Variants in CNTN5 observed in about 807,000 individuals in gnomAD.
CNTN5 encodes the protein contactin 5.
Under a neutral mutation model 129.1 loss-of-function variants are expected in CNTN5, and 77 were observed. That is an observed-to-expected ratio of 0.60 (90% CI 0.50 to 0.72). The LOEUF is 0.72. Among genes scored for constraint, CNTN5 ranks in the 30% least tolerant of loss-of-function variants. CNTN5 has a pLI of 0.00. For synonymous variants in CNTN5, 509 were observed against 465.6 expected, an observed-to-expected ratio of 1.09 and a Z score of -1.20; for missense variants, 1,478 against 1,328.8, an observed-to-expected ratio of 1.11 and a Z score of -1.75.
chr11:99,088,447 C>A (rs1401002689), intron 1 of CNTN5, among the ~76,000 whole-genome samples: 3 of 152,074 alleles, frequency 2.0e-5, no homozygotes, highest in African/African-American at 2.4e-5. Flanking sequence ...TTGGCACATT[C>A]CTTACCTGCC....
chr11:99,722,198 A>G (rs1943195671), intron 3 of CNTN5, among the ~76,000 whole-genome samples: 1 of 152,168 alleles, frequency 6.6e-6, no homozygotes, highest in Non-Finnish European at 1.5e-5. Context: ...TCACTGCAGT[A>G]TTATTGAAAG....
intron 3 of CNTN5, among the ~76,000 whole-genome samples, chr11:99,564,060 T>C (rs1035881560): frequency 2.0e-5 from 3 of 152,124 alleles, no homozygotes; most frequent in Non-Finnish European, 4.4e-5. Context: ...CACATGCAAA[T>C]AGAAGCAATT....
At chr11:99,485,095 A>T (rs1945757765) in intron 2 of CNTN5, among the ~76,000 whole-genome samples, 2 of 152,130 alleles carry the variant, frequency 1.3e-5, no homozygotes, top group Non-Finnish European at 2.9e-5. Context: ...AAGAAATGGT[A>T]AATATTTGAT....
chr11:99,814,117 A>G (rs1324423552), intron 3 of CNTN5, among the ~76,000 whole-genome samples: 1 of 152,178 alleles, frequency 6.6e-6, no homozygotes, highest in Admixed American at 6.6e-5. Flanking sequence ...GACAGAAGGA[A>G]TCATCTGGAG....
intron 1 of CNTN5, among the ~76,000 whole-genome samples, chr11:99,155,928 C>G (rs1360825983): frequency 6.6e-6 from 1 of 151,810 alleles, no homozygotes; most frequent in African/African-American, 2.4e-5. Context: ...TTATACTCTT[C>G]TAGGGAATAA....
intron 3 of CNTN5, among the ~76,000 whole-genome samples, chr11:99,598,921 T>C (rs1367027355): frequency 2.6e-5 from 4 of 152,162 alleles, no homozygotes; most frequent in Non-Finnish European, 5.9e-5. Context: ...TAAAAAATAC[T>C]GTAAAGCTCA....
At chr11:99,600,120 G>GTACAATTAACAAAAATGTGCTT (rs371367300) in intron 3 of CNTN5, among the ~76,000 whole-genome samples, 29 of 152,138 alleles carry the variant, frequency 1.9e-4, no homozygotes, top group African/African-American at 5.8e-4. Context: ...AAAATGTGCT[G>GTACAATTAACAAAAATGTGCTT]TACACTTAAC....
At chr11:99,067,675 CTAAAT>C (rs963032645) in intron 1 of CNTN5, among the ~76,000 whole-genome samples, 3 of 152,240 alleles carry the variant, frequency 2.0e-5, no homozygotes, top group Non-Finnish European at 2.9e-5. Context: ...CTTTGTAAAA[CTAAAT>C]TAATTTCAAA....
At chr11:99,474,732 T>A (rs1945304201) in intron 2 of CNTN5, among the ~76,000 whole-genome samples, 1 of 152,152 alleles carries the variant, frequency 6.6e-6, no homozygotes, top group Non-Finnish European at 1.5e-5. Context: ...TTGAGCGTTT[T>A]CAAATAAATC....
At position 99,082,373 on chromosome 11, in the gene CNTN5, C is replaced by T. The variant is rs915348235; in HGVS notation, c.-210+61103C>T. The stretch of plus-strand genomic sequence containing the variant: ...CTAATTTTTGTATTTTTAGTAGAGA[C>T]GGGGTTTCACCATGTTGGCCAGGGT... On this transcript the variant is annotated intron_variant, in intron 1 of 24. Transcript: ENST00000524871. Among the ~76,000 whole-genome samples the T allele has an allele frequency of 4.6e-5, 7 of 152,122 alleles. No homozygotes were observed. In the South Asian group the frequency reaches 6.2e-4, roughly 14 times the overall value.
chr11:100,103,807 G>T (rs1358619363), intron 13 of CNTN5, among the ~76,000 whole-genome samples: 4 of 152,090 alleles, frequency 2.6e-5, no homozygotes, highest in Non-Finnish European at 4.4e-5. Flanking sequence ...TACAAGAAAG[G>T]CTTCTGTAAC....
intron 13 of CNTN5, among the ~76,000 whole-genome samples, chr11:100,090,529 T>TTCCTCCCTCCCTC (rs1944733056): frequency 3.6e-5 from 1 of 28,040 alleles, no homozygotes; most frequent in African/African-American, 2.4e-4. Flanking sequence ...CTCCCTCCCT[T>TTCCTCCCTCCCTC]CCTTCCTTCC....
intron 1 of CNTN5, among the ~76,000 whole-genome samples, chr11:99,205,641 G>T (rs755125751): frequency 9.9e-5 from 15 of 152,074 alleles, no homozygotes; most frequent in African/African-American, 1.4e-4. Flanking sequence ...AATTTGCAAA[G>T]AAATTATACA....
intron 1 of CNTN5, among the ~76,000 whole-genome samples, chr11:99,212,499 T>G (rs1859855348): frequency 6.6e-6 from 1 of 152,188 alleles, no homozygotes; most frequent in African/African-American, 2.4e-5. Context: ...TCTGCTTAAA[T>G]GATTTCACTT....
chr11:99,824,744 T>C (rs1210767590), intron 4 of CNTN5, among the ~76,000 whole-genome samples: 2 of 152,014 alleles, frequency 1.3e-5, no homozygotes, highest in African/African-American at 4.8e-5. Flanking sequence ...TATTTTTGTA[T>C]GTAATATGAA....
intron 8 of CNTN5, among the ~76,000 whole-genome samples, chr11:99,980,401 G>A (rs1938257984): frequency 6.6e-6 from 1 of 152,164 alleles, no homozygotes; most frequent in Non-Finnish European, 1.5e-5. Context: ...TGTACCTCAA[G>A]CAAATAGATT....
intron 3 of CNTN5, among the ~76,000 whole-genome samples, chr11:99,816,572 A>C (rs1946593460): frequency 6.6e-6 from 1 of 152,086 alleles, no homozygotes; most frequent in Non-Finnish European, 1.5e-5. Context: ...ATAAACCAAT[A>C]ATCTTATTTA....
chr11:100,271,647 T>A (rs1400100462), intron 18 of CNTN5, among the ~76,000 whole-genome samples: 1 of 152,204 alleles, frequency 6.6e-6, no homozygotes, highest in African/African-American at 2.4e-5. Context: ...AACTCTTTTA[T>A]GTTACCCTTC....
At chr11:99,202,958 A>G (rs971943471) in intron 1 of CNTN5, among the ~76,000 whole-genome samples, 1 of 151,916 alleles carries the variant, frequency 6.6e-6, no homozygotes, top group African/African-American at 2.4e-5. Context: ...AGAGAAAGAA[A>G]AGAAAGAAGA....
Sources: gnomAD v4.1 joint callset for allele counts (sites outside exome capture counted in the v4.1 genomes callset) on GRCh38, gnomAD v4.1.1 for gene constraint, MANE v1.5 for transcripts, NCBI Gene and HGNC (gene_info 2026-07-23, HGNC 2026-07-21) for gene names.